Variants in VPS72 observed in about 807,000 individuals in gnomAD.
The protein encoded by VPS72 is vacuolar protein sorting 72 homolog, also known as vacuolar protein sorting-associated protein 72 homolog.
A neutral mutation model predicts 38.9 loss-of-function variants in VPS72; 27 were observed. The ratio of observed to expected loss-of-function variants is 0.69; its 90% CI spans 0.51 to 0.96. The LOEUF (loss-of-function observed/expected upper bound fraction) is 0.96. VPS72 is among the 40% of genes least tolerant of loss of function. VPS72 has a pLI of 0.00. For missense variants in VPS72, 360 were observed against 479.5 expected, an observed-to-expected ratio of 0.75 and a Z score of 2.33; for synonymous variants, 173 against 186.3, an observed-to-expected ratio of 0.93 and a Z score of 0.58.
At chr1:151,177,855 A>AT in intron 5 of VPS72, 146 bp downstream of exon 5, 1 of 1,010,258 alleles carries the variant, frequency 9.9e-7, no homozygotes, top group Non-Finnish European at 1.4e-6. Flanking sequence ...AAAAAAAAAA[A>AT]GAAAAAGAAA....
intron 3 of VPS72, 41 bp from the exon 4 acceptor site, chr1:151,184,534 TC>T: frequency 6.6e-7 from 1 of 1,512,942 alleles, no homozygotes; most frequent in Non-Finnish European, 8.9e-7. Context: ...TGAATTCATG[TC>T]CACATATTTT....
intron 5 of VPS72, 75 bp downstream of exon 5, chr1:151,177,926 A>G: frequency 1.3e-6 from 2 of 1,539,440 alleles, no homozygotes; most frequent in South Asian, 1.2e-5. Flanking sequence ...GAGCTGTGTG[A>G]GAAAAGCAAG....
At position 151,185,606 on chromosome 1, in the gene VPS72, G is replaced by A; in HGVS notation, c.285C>T (p.Ser95=). The change falls in exon 3 of 6, where the codon AGC becomes AGT. Residue 95 remains serine (S), a synonymous_variant. Coordinates refer to ENST00000368892, the MANE Select transcript of VPS72 (RefSeq NM_005997.3). ...GGGTGTTGACCTTTCGAGGCCTTAA[G>A]CTCTTGAGAGGTTCCTGAGGACAGA... ...VTKAYKEPLK[S]LRPRKVNTPA... 6.2e-7 allele frequency: 1 copy of A among 1,614,134 alleles called. No homozygotes were observed. Among genetic ancestry groups the A allele is most frequent in the Non-Finnish European group, 8.5e-7 (1 of 1,180,032 alleles).
rs749943156 is a variant in VPS72 at position 151,176,814 on chromosome 1, G to A, written c.925C>T (p.Pro309Ser). ...ALYRDPVTDI[P>S]YATARAFKII... ...TTGAAGGCTCGAGCAGTGGCATAGG[G>A]TATGTCTGTAACAGGGTCCCGGTAT... The change falls in exon 6 of 6, where the codon CCC becomes TCC. Residue 309 changes from proline (P) to serine (S), a missense_variant. By Grantham distance (74) the Pro-to-Ser change is moderately conservative (BLOSUM62 -1). Transcript: ENST00000368892. 2 of 1,614,186 alleles carry A rather than the reference G, an allele frequency of 1.2e-6. No homozygotes were observed. Among genetic ancestry groups the A allele is most frequent in the Non-Finnish European group, 1.7e-6 (2 of 1,180,026 alleles).
chr1:151,177,750 G>T (rs1684148048), intron 5 of VPS72, among the ~76,000 whole-genome samples: 1 of 151,858 alleles, frequency 6.6e-6, no homozygotes, highest in South Asian at 2.1e-4. Context: ...GGCTAAGGTG[G>T]GAGGATCGCC....
intron 4 of VPS72, among the ~76,000 whole-genome samples, chr1:151,179,552 T>C (rs922382159): frequency 1.3e-4 from 20 of 151,474 alleles, no homozygotes; most frequent in Non-Finnish European, 4.4e-5. Context: ...TGAGCTGAGA[T>C]CGCGCCACTG....
Position 151,178,101 on chromosome 1 carries a change from TA to T in VPS72, c.606del (p.His202GlnfsTer10). 6.2e-6 allele frequency: 10 copies of T among 1,614,158 alleles called. No homozygotes were observed. The highest frequency in any genetic ancestry group is 7.6e-6 in the Non-Finnish European group (9 of 1,180,038). On this transcript the variant is annotated frameshift_variant, in exon 5 of 6. Transcript: ENST00000368892. LOFTEE classifies it high-confidence loss of function. ...RLEADKKKQV[H>X]KKRKCPGPII... is the part of the protein sequence containing the mutation. The stretch of plus-strand genomic sequence containing the variant: ...ATGGGCCCGGGGCACTTCCGCTTCT[TA>T]TGAACCTGCTTCTTTTTATCAGCCT...
intron 5 of VPS72, among the ~76,000 whole-genome samples, chr1:151,177,254 G>A (rs377641901): frequency 1.8e-4 from 28 of 151,986 alleles, no homozygotes; most frequent in African/African-American, 5.5e-4. Context: ...GCGTGGTGGC[G>A]GATGCCTGTA....
At chr1:151,182,580 T>C (rs2101725719) in intron 4 of VPS72, among the ~76,000 whole-genome samples, 2 of 152,316 alleles carry the variant, frequency 1.3e-5, no homozygotes, top group African/African-American at 4.8e-5. Flanking sequence ...ATGGCCAAGC[T>C]TGAAAAGTTT....
At position 151,190,161 on chromosome 1, in the gene VPS72, C is replaced by T. The variant is rs1434488480; in HGVS notation, c.-40G>A. 1 of 1,607,230 alleles carries T rather than the reference C, an allele frequency of 6.2e-7. No individual in the cohort carries two copies. Among genetic ancestry groups the T allele is most frequent in the Non-Finnish European group, 8.5e-7 (1 of 1,178,360 alleles). On this transcript the variant is annotated 5_prime_UTR_variant, in exon 1 of 6. The change creates a new upstream start codon in the 5' untranslated region. Transcript: ENST00000368892. ...CTGCGCCGCCACCTGCAGCCCCTCA[C>T]CAGCTCGGTTTTGGGAGCTCGACGC...
At chr1:151,178,534 T>C (rs973395864) in intron 4 of VPS72, among the ~76,000 whole-genome samples, 2 of 151,768 alleles carry the variant, frequency 1.3e-5, no homozygotes, top group African/African-American at 4.8e-5. Context: ...GAAGCTGAGG[T>C]GGAAGGATCG....
chr1:151,185,788 C>A lies in VPS72; in HGVS notation c.270+10G>T, dbSNP rs587742534. On this transcript the variant is annotated intron_variant, in intron 2 of 5. Coordinates refer to ENST00000368892, the MANE Select transcript of VPS72 (RefSeq NM_005997.3). ...GAGGAAATCCAAGACAACTAGGACTCCCCCTGTACCTTATAGGCCTTGGTG... is the reference window on the plus strand; with the variant it reads ...GAGGAAATCCAAGACAACTAGGACTACCCCTGTACCTTATAGGCCTTGGTG... 6.2e-7 allele frequency: 1 copy of A among 1,614,060 alleles called. No homozygotes were observed. The highest frequency in any genetic ancestry group is 1.1e-5 in the South Asian group (1 of 91,078).
chr1:151,185,719 G>A (rs1684333890), intron 2 of VPS72, 79 bp downstream of exon 2: 8 of 1,609,434 alleles, frequency 5.0e-6, no homozygotes, highest in Non-Finnish European at 6.8e-6. Context: ...AAATGGAAGT[G>A]GCATAGGGAG....
At chr1:151,189,889 G>A (rs587604863) in intron 1 of VPS72, 116 bp downstream of exon 1, 1 of 1,219,740 alleles carries the variant, frequency 8.2e-7, no homozygotes, top group African/African-American at 1.5e-5. Context: ...CCCAACTCGA[G>A]TATCAGCTCC....
rs763100915 is a variant in VPS72 at position 151,178,291 on chromosome 1, C to T, written c.563-146G>A. On this transcript the variant is annotated intron_variant, in intron 4 of 5. Transcript: ENST00000368892. ...GACAACTATGGAAGTCCCCTAAGGC[C>T]GTCTGGCACCTCCCATTTTGTAAGT... 27 of 1,072,808 alleles carry T rather than the reference C, an allele frequency of 2.5e-5. No homozygotes were observed. The African/African-American group carries it at 2.8e-4, about 11-fold the overall frequency. The allele number at this position is 1,072,808 out of a possible 1,614,324, so 66.5% of individuals were successfully genotyped here.
At chr1:151,185,085 G>C (rs1042027656) in intron 3 of VPS72, among the ~76,000 whole-genome samples, 4 of 152,012 alleles carry the variant, frequency 2.6e-5, no homozygotes, top group Admixed American at 6.6e-5. Flanking sequence ...TATTTCCTAA[G>C]AATGAGGATT....
Position 151,190,150 on chromosome 1 carries a change from G to A in VPS72, c.-29C>T. 1.2e-6 allele frequency: 2 copies of A among 1,609,088 alleles called. No homozygotes were observed. The highest frequency in any genetic ancestry group is 1.7e-6 in the Non-Finnish European group (2 of 1,178,976). Reference sequence around the variant, plus strand: ...GCCTACCGAGACTGCGCCGCCACCTGCAGCCCCTCACCAGCTCGGTTTTGG... The same window carrying A: ...GCCTACCGAGACTGCGCCGCCACCTACAGCCCCTCACCAGCTCGGTTTTGG... On this transcript the variant is annotated 5_prime_UTR_variant, in exon 1 of 6. Coordinates refer to ENST00000368892, the MANE Select transcript of VPS72 (RefSeq NM_005997.3).
rs192936104 is a variant in VPS72, at chr1:151,180,529, C to T, written c.563-2384G>A. Among the ~76,000 whole-genome samples the T allele has an allele frequency of 4.7e-3, 718 of 151,962 alleles. 16 individuals are homozygous for T. Among genetic ancestry groups the T allele is most frequent in the Admixed American group, 0.044 (664 of 15,248 alleles). Reference sequence around the variant, plus strand: ...CTCGGCTCCCTGCAACCTCCCCCTCCCAGGTTCAAGCAATTCTCCTGCCTC... The same window carrying T: ...CTCGGCTCCCTGCAACCTCCCCCTCTCAGGTTCAAGCAATTCTCCTGCCTC... On this transcript the variant is annotated intron_variant, in intron 4 of 5. Transcript: ENST00000368892.
intron 4 of VPS72, among the ~76,000 whole-genome samples, chr1:151,180,078 G>C (rs1684207152): frequency 6.6e-6 from 1 of 151,932 alleles, no homozygotes. Flanking sequence ...CAGCACTTTG[G>C]GAGGCCTAGG....
Sources: gnomAD v4.1 joint callset for allele counts (sites outside exome capture counted in the v4.1 genomes callset) on GRCh38, gnomAD v4.1.1 for gene constraint, MANE v1.5 for transcripts, NCBI Gene and HGNC (gene_info 2026-07-23, HGNC 2026-07-21) for gene names.